Variants in LIG1 observed in about 807,000 individuals in gnomAD.
LIG1 encodes the protein DNA ligase 1, also known as ligase I, DNA, ATP-dependent.
In LIG1, 70 loss-of-function variants were observed where a neutral mutation model predicts 115.7. The ratio of observed to expected loss-of-function variants is 0.60; its 90% confidence interval spans 0.50 to 0.74. LIG1 has a LOEUF of 0.74. Among genes scored for constraint, LIG1 ranks in the 30% least tolerant of loss-of-function variants. The pLI is 0.00. For synonymous variants in LIG1, 487 were observed against 495.3 expected (o/e 0.98, Z 0.22); for missense variants, 1,115 against 1,225.6 (o/e 0.91, Z 1.35).
chr19:48,164,382 C>T (rs896565571), intron 2 of LIG1, among the ~76,000 whole-genome samples: 1 of 152,168 alleles, frequency 6.6e-6, no homozygotes, highest in African/African-American at 2.4e-5. Context: ...TCTCTACCAT[C>T]CATTTTTTCC....
chr19:48,147,634 G>T (rs1179308886), intron 9 of LIG1, among the ~76,000 whole-genome samples: 2 of 130,800 alleles, frequency 1.5e-5, no homozygotes, highest in African/African-American at 6.4e-5. Flanking sequence ...AACAGAGCAA[G>T]ACCCTGTCTT....
rs77051333 is a variant in LIG1, at chr19:48,158,743, C to T, written c.244-1603G>A. 2.5e-4 allele frequency among the ~76,000 whole-genome samples: 38 copies of T among 152,336 alleles called. No homozygotes were observed. The East Asian group carries it at 6.9e-3, about 28-fold the overall frequency. On this transcript the variant is annotated intron_variant, in intron 4 of 27. Coordinates refer to ENST00000263274, the MANE Select transcript of LIG1 (RefSeq NM_000234.3). Reference sequence around the variant, plus strand: ...TTTCTAACATTCACGGGGCTTGCCACGTGGTACCTGATCAGAGACCCTGGC... The same window carrying T: ...TTTCTAACATTCACGGGGCTTGCCATGTGGTACCTGATCAGAGACCCTGGC...
chr19:48,127,457 G>C, intron 20 of LIG1, 109 bp from the exon 21 acceptor site: 2 of 1,017,058 alleles, frequency 2.0e-6, no homozygotes, highest in South Asian at 2.6e-5. Flanking sequence ...CACCTAACTG[G>C]CTGCCCATCT....
chr19:48,152,657 C>T (rs2035551546), intron 6 of LIG1, among the ~76,000 whole-genome samples: 1 of 152,110 alleles, frequency 6.6e-6, no homozygotes, highest in Non-Finnish European at 1.5e-5. Context: ...CCCAGCGACA[C>T]CTGCTGGCCA....
rs773758330 is a variant in LIG1 at position 48,139,959 on chromosome 19, A to G, written c.1087+12T>C. 2 of 1,613,856 alleles carry G rather than the reference A, an allele frequency of 1.2e-6. No individual in the cohort carries two copies. Among genetic ancestry groups the G allele is most frequent in the African/African-American group, 1.3e-5 (1 of 74,906 alleles). ...CTGTCCTTCTGGTCCCTCCAACCACAGTCCCCCTTACCTGTGGCCTGGGCC... is the reference window on the plus strand; with the variant it reads ...CTGTCCTTCTGGTCCCTCCAACCACGGTCCCCCTTACCTGTGGCCTGGGCC... On this transcript the variant is annotated intron_variant, in intron 12 of 27. Coordinates refer to ENST00000263274, the MANE Select transcript of LIG1 (RefSeq NM_000234.3).
chr19:48,157,240 TC>T (rs979689091), intron 4 of LIG1, 100 bp from the exon 5 acceptor site: 453 of 1,342,228 alleles, frequency 3.4e-4, no homozygotes, highest in Non-Finnish European at 4.1e-4. Flanking sequence ...CTGTCTACCC[TC>T]CTTTCTGACC....
chr19:48,142,857 G>A (rs913225669), intron 11 of LIG1, among the ~76,000 whole-genome samples: 3 of 152,146 alleles, frequency 2.0e-5, no homozygotes, highest in African/African-American at 7.2e-5. Context: ...TGGCCAGGCT[G>A]GTCTTGAACT....
At chr19:48,167,825 T>TCAA (rs1375597987) in intron 1 of LIG1, among the ~76,000 whole-genome samples, 1 of 113,728 alleles carries the variant, frequency 8.8e-6, no homozygotes, top group Non-Finnish European at 1.9e-5. Flanking sequence ...GACCCCGTCT[T>TCAA]AAAAAAAAAA....
In LIG1 at chr19:48,117,620, A is replaced by C; in HGVS notation, c.2583+18T>G. The C allele has an allele frequency of 6.2e-7, 1 of 1,611,052 alleles. No individual in the cohort carries two copies. Among genetic ancestry groups the C allele is most frequent in the Non-Finnish European group, 8.5e-7 (1 of 1,179,380 alleles). ...CAGAATCCCACACAGGGCCACGGCC[A>C]GGTCCTCTGCCACTCACCAGGCCCC... On this transcript the variant is annotated intron_variant, in intron 26 of 27. Transcript: ENST00000263274.
chr19:48,118,610 C>A (rs1189899438), intron 25 of LIG1: 1 of 139,008 alleles, frequency 7.2e-6, no homozygotes, highest in African/African-American at 2.7e-5. Context: ...ATGATTTCAG[C>A]TCACTGCAAC....
At position 48,156,993 on chromosome 19, in the gene LIG1, CA is replaced by C. The variant is rs777451198; in HGVS notation, c.370+20del. The C allele has an allele frequency of 2.2e-4, 93 of 427,622 alleles. 4 individuals carry two copies. The highest frequency in any genetic ancestry group is 2.8e-4 in the Non-Finnish European group (86 of 304,498). The allele number at this position is 427,622 out of a possible 1,614,324, so 26.5% of individuals were successfully genotyped here. A position where few individuals can be genotyped will look rare whatever the true frequency, so the allele number is the denominator to read the frequency against. ...AAAGAAAGGCAGGCGACTGAAGGGG[CA>C]GGGGCCCGTGTGTTCTCACCTGTGC... On this transcript the variant is annotated intron_variant, in intron 5 of 27. Coordinates refer to ENST00000263274, the MANE Select transcript of LIG1 (RefSeq NM_000234.3).
chr19:48,144,664 G>T (rs2035003131), intron 9 of LIG1, among the ~76,000 whole-genome samples: 1 of 152,060 alleles, frequency 6.6e-6, no homozygotes, highest in Non-Finnish European at 1.5e-5. Context: ...ACCACACCTG[G>T]CTGATTTTTT....
At chr19:48,136,976 C>G in intron 14 of LIG1, 32 bp downstream of exon 14, 1 of 1,567,960 alleles carries the variant, frequency 6.4e-7, no homozygotes, top group Admixed American at 1.8e-5. Context: ...CCTGCAGTCC[C>G]CCTCTGTAGC....
chr19:48,162,369 G>A lies in LIG1; in HGVS notation c.18-18C>T. On this transcript the variant is annotated intron_variant, in intron 2 of 27. Coordinates refer to ENST00000263274, the MANE Select transcript of LIG1 (RefSeq NM_000234.3). Reference sequence around the variant, plus strand: ...AAAATGACCTAGAGGAGCATAAAAGGGGGTAAAAAAAGGAGAATAACAGCA... The same window carrying A: ...AAAATGACCTAGAGGAGCATAAAAGAGGGTAAAAAAAGGAGAATAACAGCA... The A allele has an allele frequency of 1.9e-6, 3 of 1,594,272 alleles. No homozygotes were observed. Among genetic ancestry groups the A allele is most frequent in the Non-Finnish European group, 2.6e-6 (3 of 1,162,730 alleles).
chr19:48,142,226 A>G (rs1448718359), intron 11 of LIG1, among the ~76,000 whole-genome samples: 1 of 152,024 alleles, frequency 6.6e-6, no homozygotes, highest in Non-Finnish European at 1.5e-5. Context: ...TCACGAGGTC[A>G]GGAGATCAAG....
intron 9 of LIG1, chr19:48,145,856 A>G (rs2035078427): frequency 6.6e-6 from 1 of 152,286 alleles, no homozygotes; most frequent in South Asian, 2.1e-4. Flanking sequence ...GAAGAGAGAC[A>G]CAGAAAGGCT....
chr19:48,146,097 T>C (rs942408956), intron 9 of LIG1: 1 of 152,276 alleles, frequency 6.6e-6, no homozygotes, highest in African/African-American at 2.4e-5. Flanking sequence ...CTTCCTCTCA[T>C]CACTGTGCCC....
intron 6 of LIG1, among the ~76,000 whole-genome samples, chr19:48,153,291 A>G (rs960802206): frequency 6.6e-6 from 1 of 152,004 alleles, no homozygotes; most frequent in Admixed American, 6.6e-5. Context: ...TAGAACTGAT[A>G]AGGTATTGGC....
chr19:48,143,505 C>CGGGGGGGGGGCGGG, intron 11 of LIG1, 38 bp downstream of exon 11: 1 of 850,466 alleles, frequency 1.2e-6, no homozygotes, highest in Non-Finnish European at 2.0e-6. Context: ...GACCCAGAAG[C>CGGGGGGGGGGCGGG]GACCCCGCCC....
Sources: allele counts gnomAD v4.1 joint callset (sites outside exome capture counted in the v4.1 genomes callset), GRCh38; gene constraint gnomAD v4.1.1; transcripts MANE v1.5; gene names NCBI Gene and HGNC (gene_info 2026-07-23, HGNC 2026-07-21).